SWT1: variants seen among roughly 807,000 people sequenced by gnomAD.
SWT1 encodes SWT1 RNA endoribonuclease homolog.
SWT1 carries 33 observed loss-of-function variants against 107.3 expected under a neutral mutation model. The ratio of observed to expected loss-of-function variants is 0.31; its 90% CI spans 0.23 to 0.41. The LOEUF is 0.41. Ranked by LOEUF, SWT1 falls within the 10% of genes least tolerant of loss-of-function variation. The probability of loss-of-function intolerance (pLI) is 1.00; values close to 1 mark genes in which losing one functional copy is unlikely to be tolerated. For synonymous variants in SWT1, 345 were observed against 348.3 expected (o/e 0.99, Z 0.11); for missense variants, 898 against 1,028.9 (o/e 0.87, Z 1.74).
At chr1:185,190,749 T>A in intron 10 of SWT1, 107 bp downstream of exon 10, 1 of 644,556 alleles carries the variant, frequency 1.6e-6, no homozygotes, top group Non-Finnish European at 2.6e-6. Flanking sequence ...TACATAATTT[T>A]CCAAATCTGC....
At chr1:185,173,169 A>G (rs770721884) in intron 4 of SWT1, among the ~76,000 whole-genome samples, 1 of 151,668 alleles carries the variant, frequency 6.6e-6, no homozygotes, top group Admixed American at 6.6e-5. Flanking sequence ...TTTTCTGTTT[A>G]TGCCCTATTC....
chr1:185,209,753 C>T (rs897292410), intron 13 of SWT1, among the ~76,000 whole-genome samples: 3 of 152,162 alleles, frequency 2.0e-5, no homozygotes, highest in African/African-American at 7.2e-5. Context: ...AATGGGATTG[C>T]TGGGTCAAAT....
intron 4 of SWT1, among the ~76,000 whole-genome samples, chr1:185,172,855 C>A (rs908428177): frequency 6.6e-6 from 1 of 151,876 alleles, no homozygotes; most frequent in Non-Finnish European, 1.5e-5. Flanking sequence ...ACCATCCTGG[C>A]CAACATGATG....
intron 4 of SWT1, among the ~76,000 whole-genome samples, chr1:185,170,329 T>C (rs1427316799): frequency 3.3e-5 from 5 of 152,228 alleles, no homozygotes. Flanking sequence ...CAATTCTGTC[T>C]TCCTAACTTT....
intron 18 of SWT1, among the ~76,000 whole-genome samples, chr1:185,286,292 C>T (rs1322089958): frequency 2.6e-5 from 4 of 152,108 alleles, no homozygotes; most frequent in South Asian, 2.1e-4. Context: ...GGCGCGATCT[C>T]GGCTCACTGC....
intron 16 of SWT1, among the ~76,000 whole-genome samples, chr1:185,259,136 T>C (rs918878202): frequency 6.6e-6 from 1 of 152,142 alleles, no homozygotes; most frequent in Admixed American, 6.5e-5. Flanking sequence ...AGGTGAAAGT[T>C]TTTCTTTTCA....
At chr1:185,180,858 T>A (rs186278888) in intron 6 of SWT1, among the ~76,000 whole-genome samples, 1 of 152,358 alleles carries the variant, frequency 6.6e-6, no homozygotes, top group Admixed American at 6.5e-5. Flanking sequence ...AGTGTTTATC[T>A]TTTTACCTGT....
At chr1:185,188,702 G>A (rs972331175) in intron 9 of SWT1, among the ~76,000 whole-genome samples, 1 of 152,144 alleles carries the variant, frequency 6.6e-6, no homozygotes, top group Admixed American at 6.5e-5. Flanking sequence ...AAGTAATATA[G>A]GCCAGAAGTT....
intron 4 of SWT1, chr1:185,171,661 C>A: frequency 1.9e-6 from 1 of 524,504 alleles, no homozygotes; most frequent in Admixed American, 2.0e-5. Flanking sequence ...TCAGAACCTG[C>A]TTCTTTTTTT....
intron 16 of SWT1, chr1:185,266,594 C>T (rs1003243615): frequency 6.0e-5 from 9 of 150,978 alleles, no homozygotes; most frequent in Non-Finnish European, 1.2e-4. Context: ...TTTGTTCCTT[C>T]TCCACTCCCA....
At chr1:185,225,797 A>G (rs1660003443) in intron 15 of SWT1, among the ~76,000 whole-genome samples, 1 of 152,206 alleles carries the variant, frequency 6.6e-6, no homozygotes, top group African/African-American at 2.4e-5. Context: ...TATTGTCTTA[A>G]GTGACACGAC....
chr1:185,197,745 A>C (rs1657517729), intron 10 of SWT1, among the ~76,000 whole-genome samples: 1 of 151,984 alleles, frequency 6.6e-6, no homozygotes, highest in African/African-American at 2.4e-5. Context: ...TATTTGCATA[A>C]AGGTGTTTAT....
chr1:185,191,420 C>T (rs1333536651), intron 10 of SWT1, among the ~76,000 whole-genome samples: 3 of 152,090 alleles, frequency 2.0e-5, no homozygotes, highest in South Asian at 4.1e-4. Context: ...TGCTTTGAAA[C>T]TTGCAGTTTT....
rs760998844 is a variant in SWT1 at position 185,160,879 on chromosome 1, C to A, written c.38C>A (p.Ser13Tyr). 1 of 1,613,170 alleles carries A rather than the reference C, an allele frequency of 6.2e-7. No homozygotes were observed. The highest frequency in any genetic ancestry group is 1.3e-5 in the African/African-American group (1 of 74,836). Reference protein sequence around the residue: ...SKESCGKKETSQRKDTTTSSP... With the variant: ...SKESCGKKETYQRKDTTTSSP... Reference sequence around the variant, plus strand: ...GAATCCTGTGGGAAAAAAGAGACATCTCAGAGGAAAGACACCACCACCTCA... The same window carrying A: ...GAATCCTGTGGGAAAAAAGAGACATATCAGAGGAAAGACACCACCACCTCA... Residue 13 changes from serine (S) to tyrosine (Y), a missense_variant, in exon 2 of 19, where the codon TCT becomes TAT. Around this residue, in one of 6 missense-constraint regions of SWT1, gnomAD observed 382 missense variants for 362.4 expected, o/e 1.05. Transcript: ENST00000367500.
chr1:185,278,513 G>A (rs1664400930), intron 18 of SWT1, among the ~76,000 whole-genome samples: 1 of 152,080 alleles, frequency 6.6e-6, no homozygotes, highest in South Asian at 2.1e-4. Context: ...CTAATTCTAG[G>A]CCCAGGCAAA....
intron 1 of SWT1, among the ~76,000 whole-genome samples, chr1:185,158,509 CTTTT>C (rs145202662): frequency 1.4e-5 from 2 of 138,270 alleles, no homozygotes; most frequent in African/African-American, 5.3e-5. Flanking sequence ...GTTCTCATTT[CTTTT>C]TTTTTTTTTT....
chr1:185,248,912 T>A (rs550781906), intron 16 of SWT1, among the ~76,000 whole-genome samples: 1 of 152,322 alleles, frequency 6.6e-6, no homozygotes, highest in Non-Finnish European at 1.5e-5. Context: ...TACTCTCATG[T>A]TCTGGTATCT....
At chr1:185,261,613 A>G (rs567231735) in intron 16 of SWT1, among the ~76,000 whole-genome samples, 125 of 151,670 alleles carry the variant, frequency 8.2e-4, no homozygotes, top group Non-Finnish European at 4.4e-5. Flanking sequence ...TTTAATTCCC[A>G]ACAAGAGTGC....
At chr1:185,226,893 G>T (rs1440557682) in intron 15 of SWT1, 10 of 1,387,960 alleles carry the variant, frequency 7.2e-6, no homozygotes, top group Non-Finnish European at 8.9e-6. Context: ...GGACATTTTG[G>T]GACAGTTCCA....
Sources: allele counts gnomAD v4.1 joint callset (sites outside exome capture counted in the v4.1 genomes callset), GRCh38; gene constraint gnomAD v4.1.1; regional missense constraint gnomAD v4.1.1; transcripts MANE v1.5; gene names NCBI Gene and HGNC (gene_info 2026-07-23, HGNC 2026-07-21).